Variants in TMC8 observed in about 807,000 individuals in gnomAD.
The protein encoded by TMC8 is transmembrane channel-like protein 8.
Under a neutral mutation model 76.0 loss-of-function variants are expected in TMC8, and 71 were observed. The ratio of observed to expected loss-of-function variants is 0.93; its 90% CI spans 0.77 to 1.14. TMC8 has a LOEUF of 1.14. TMC8 is among the 50% of genes most tolerant of loss of function. The probability of loss-of-function intolerance (pLI) is 0.00; values close to 1 mark genes in which losing one functional copy is unlikely to be tolerated. For missense variants in TMC8, 924 were observed against 947.9 expected (o/e 0.97, Z 0.33); for synonymous variants, 433 against 433.8 (o/e 1.00, Z 0.02).
At position 78,138,558 on chromosome 17, in the gene TMC8, G is replaced by T; in HGVS notation, c.1665-16G>T. 6.2e-7 allele frequency: 1 copy of T among 1,613,746 alleles called. No homozygotes were observed. Among genetic ancestry groups the T allele is most frequent in the Non-Finnish European group, 8.5e-7 (1 of 1,180,028 alleles). On this transcript the variant is annotated splice_polypyrimidine_tract_variant and intron_variant, in intron 13 of 15. Coordinates refer to ENST00000318430, the MANE Select transcript of TMC8 (RefSeq NM_152468.5). ...CAGGACCCTGATGCCAGCCCCACTT[G>T]GCCATCTCTCGCCAGCATCCACTCC... is the stretch of plus-strand genomic sequence containing the variant.
chr17:78,132,297 C>G, intron 3 of TMC8, 62 bp from the exon 4 acceptor site: 1 of 1,593,772 alleles, frequency 6.3e-7, no homozygotes, highest in Non-Finnish European at 8.6e-7. Context: ...CGCCCTTGGA[C>G]TCTCAGCGCG....
At chr17:78,138,848 G>A in intron 14 of TMC8, 116 bp downstream of exon 14, 1 of 1,553,448 alleles carries the variant, frequency 6.4e-7, no homozygotes, top group Non-Finnish European at 8.6e-7. Context: ...AAAGCCAAGG[G>A]AAGCAGGGGC....
rs1160953415 is a variant in TMC8 at position 78,140,863 on chromosome 17, G to A, written c.1932G>A (p.Glu644=). The change falls in exon 16 of 16, where the codon GAG becomes GAA. Residue 644 remains glutamate, a synonymous_variant. Coordinates refer to ENST00000318430, the MANE Select transcript of TMC8 (RefSeq NM_152468.5). ...TTCAGGAGAAGTGGCACCTGGTGGA[G>A]GACCTGTCGCGACTGCTGCCGGAGC... ...WQVQEKWHLV[E]DLSRLLPEPG... 1.9e-6 allele frequency: 3 copies of A among 1,610,370 alleles called. No individual in the cohort carries two copies. Among genetic ancestry groups the A allele is most frequent in the South Asian group, 1.1e-5 (1 of 90,462 alleles).
chr17:78,134,691 C>A, intron 8 of TMC8, 127 bp downstream of exon 8: 2 of 1,513,414 alleles, frequency 1.3e-6, no homozygotes, highest in Non-Finnish European at 1.8e-6. Flanking sequence ...AGGTCACGGC[C>A]AAGGCAGGCG....
In TMC8 at chr17:78,137,917, G is replaced by A. The variant is rs528162168; in HGVS notation, c.1350-88G>A. ...GGTGAGCGGGTCCAGTGTGGAGCCC[G>A]GGAGTAAGTGGCAGGCTGTGGCCAT... is the stretch of plus-strand genomic sequence containing the variant. On this transcript the variant is annotated intron_variant, in intron 11 of 15. Transcript: ENST00000318430. 372 of 1,599,056 alleles carry A rather than the reference G, an allele frequency of 2.3e-4. 1 individual carries two copies. The African/African-American group carries it at 4.4e-3, about 19-fold the overall frequency.
At chr17:78,140,765 C>G (rs1294771408) in intron 15 of TMC8, 69 bp from the exon 16 acceptor site, 16 of 1,552,104 alleles carry the variant, frequency 1.0e-5, no homozygotes, top group South Asian at 2.4e-5. Flanking sequence ...GAGTTGCTGC[C>G]GCTGCTGTCC....
In TMC8 at chr17:78,134,526, A is replaced by G. The variant is rs1179647988; in HGVS notation, c.949A>G (p.Ile317Val). 1.2e-6 allele frequency: 2 copies of G among 1,614,126 alleles called. 1 individual carries two copies. The highest frequency in any genetic ancestry group is 1.7e-6 in the Non-Finnish European group (2 of 1,180,032). Residue 317 changes from isoleucine to valine, a missense_variant, in exon 8 of 16, where the codon ATC becomes GTC. Transcript: ENST00000318430. The stretch of plus-strand genomic sequence containing the variant: ...CCTGGTGGTTGGGGCCATCAGCGCC[A>G]TCTTCTGGGCTACCAAGTACTCACA... ...GLLVVGAISA[I>V]FWATKYSQDN...
Position 78,131,744 on chromosome 17 carries a change from G to T in TMC8, c.149+7G>T. ...TGGACAAGCGCCTCATCTGGTGGGTGCCACGCGGGCGCCAGACGGTGCGTG... is the reference window on the plus strand; with the variant it reads ...TGGACAAGCGCCTCATCTGGTGGGTTCCACGCGGGCGCCAGACGGTGCGTG... On this transcript the variant is annotated splice_region_variant and intron_variant, in intron 2 of 15. Transcript: ENST00000318430. 1 of 1,577,830 alleles carries T rather than the reference G, an allele frequency of 6.3e-7. No individual in the cohort carries two copies. Among genetic ancestry groups the T allele is most frequent in the Non-Finnish European group, 8.6e-7 (1 of 1,164,286 alleles).
Position 78,132,814 on chromosome 17 carries a change from T to C in TMC8, c.475T>C (p.Ser159Pro). 6.2e-7 allele frequency: 1 copy of C among 1,614,192 alleles called. No individual in the cohort carries two copies. Among genetic ancestry groups the C allele is most frequent in the Non-Finnish European group, 8.5e-7 (1 of 1,180,016 alleles). Residue 159 changes from serine to proline, a missense_variant, in exon 5 of 16, where the codon TCC (serine) becomes CCC (proline). Physicochemically the swap from Ser to Pro is moderately conservative, Grantham distance 74. Coordinates refer to ENST00000318430, the MANE Select transcript of TMC8 (RefSeq NM_152468.5). ...LTLQCPGSRQ[S>P]PPGVLRFHNQ... Reference sequence around the variant, plus strand: ...CCTCCAGTGCCCTGGTAGCCGCCAGTCCCCGCCTGGCGTTTTGAGGTTCCA... The same window carrying C: ...CCTCCAGTGCCCTGGTAGCCGCCAGCCCCCGCCTGGCGTTTTGAGGTTCCA...
In TMC8 at chr17:78,137,808, C is replaced by T. The variant is rs146302673; in HGVS notation, c.1343C>T (p.Pro448Leu). The T allele has an allele frequency of 1.9e-6, 3 of 1,613,192 alleles. No homozygotes were observed. Among genetic ancestry groups the T allele is most frequent in the African/African-American group, 2.7e-5 (2 of 75,062 alleles). ...TVAFAFLVTL[P>L]RRLLVDRFSG... ...GCCTTCGCCTTCCTGGTCACCCTGC[C>T]TCGGAGGTGAGCCCCGGGGTGACAC... is the stretch of plus-strand genomic sequence containing the variant. The change falls in exon 11 of 16, where the codon CCT (proline) becomes CTT (leucine). Residue 448 changes from proline to leucine, a missense_variant. Coordinates refer to ENST00000318430, the MANE Select transcript of TMC8 (RefSeq NM_152468.5).
In TMC8 at chr17:78,132,271, C is replaced by T. The variant is rs920159124; in HGVS notation, c.299-88C>T. 2.9e-5 allele frequency: 44 copies of T among 1,525,658 alleles called. No individual in the cohort carries two copies. In the African/African-American group the frequency reaches 4.8e-4, roughly 17 times the overall value. 94.5% of individuals were successfully genotyped at this position (1,525,658 alleles called of 1,614,324 possible). A position where few individuals can be genotyped will look rare whatever the true frequency, so the allele number is the denominator to read the frequency against. The stretch of plus-strand genomic sequence containing the variant: ...GGGTGGGAGCCTGGCGGGCACCCCA[C>T]GCCGTCCGGTGGGCCCGCCCTTGGA... On this transcript the variant is annotated intron_variant, in intron 3 of 15. Coordinates refer to ENST00000318430, the MANE Select transcript of TMC8 (RefSeq NM_152468.5).
chr17:78,138,206 G>C lies in TMC8; in HGVS notation c.1533+18G>C, dbSNP rs762782516. On this transcript the variant is annotated intron_variant, in intron 12 of 15. Transcript: ENST00000318430. Reference sequence around the variant, plus strand: ...TCAAGAAGGTGACGGCTCATGGCTGGGGGGTATGGGGTTCGTGCCTCTGGG... The same window carrying C: ...TCAAGAAGGTGACGGCTCATGGCTGCGGGGTATGGGGTTCGTGCCTCTGGG... The C allele has an allele frequency of 9.9e-6, 16 of 1,613,674 alleles. No individual in the cohort carries two copies. Among genetic ancestry groups the C allele is most frequent in the Non-Finnish European group, 1.4e-5 (16 of 1,179,952 alleles).
At chr17:78,136,776 C>T (rs185601088) in intron 9 of TMC8, 1 of 310,494 alleles carries the variant, frequency 3.2e-6, no homozygotes, top group Admixed American at 4.7e-5. Context: ...AAAACAGAAC[C>T]CTTGGCCAGG....
chr17:78,133,600 T>C (rs910052363), intron 6 of TMC8, 58 bp downstream of exon 6: 2 of 1,601,394 alleles, frequency 1.2e-6, no homozygotes, highest in Non-Finnish European at 1.7e-6. Context: ...TGATCACCCC[T>C]TCCTTGGCAG....
At chr17:78,137,674 G>A (rs2075269150) in intron 10 of TMC8, 43 bp from the exon 11 acceptor site, 2 of 1,552,188 alleles carry the variant, frequency 1.3e-6, no homozygotes, top group Admixed American at 3.3e-5. Context: ...GAAGGGCCGG[G>A]GTGGCCGTGA....
At position 78,138,360 on chromosome 17, in the gene TMC8, G is replaced by T; in HGVS notation, c.1545G>T (p.Leu515=). The T allele has an allele frequency of 6.2e-7, 1 of 1,611,066 alleles. No individual in the cohort carries two copies. ...GCTTGCGCCCCCAGTACACCCTCCT[G>T]AAGAACTCCAGGGCATCTTCGCGGC... ...LTFYIKKYTL[L]KNSRASSRPF... is the part of the protein sequence containing the mutation. The change falls in exon 13 of 16, where the codon CTG becomes CTT. Residue 515 remains leucine (L), a synonymous_variant. Coordinates refer to ENST00000318430, the MANE Select transcript of TMC8 (RefSeq NM_152468.5).
intron 4 of TMC8, 39 bp from the exon 5 acceptor site, chr17:78,132,749 T>TG: frequency 6.2e-7 from 1 of 1,600,724 alleles, no homozygotes; most frequent in Non-Finnish European, 8.6e-7. Context: ...ACCTATGCCT[T>TG]GGGGATCCCT....
rs377668069 is a variant in TMC8 at position 78,132,787 on chromosome 17, G to T, written c.449-1G>T. 2.1e-5 allele frequency: 34 copies of T among 1,614,046 alleles called. No homozygotes were observed. The highest frequency in any genetic ancestry group is 2.9e-5 in the Non-Finnish European group (34 of 1,180,014). On this transcript the variant is annotated splice_acceptor_variant, in intron 4 of 15. Transcript: ENST00000318430. LOFTEE classifies it high-confidence loss of function. ...CTATTGACCCCCTTCCTCCTCAACA[G>T]CCCTCCAGTGCCCTGGTAGCCGCCA...
rs1426582766 is a variant in TMC8 at position 78,132,324 on chromosome 17, C to G, written c.299-35C>G. The G allele has an allele frequency of 4.3e-6, 7 of 1,611,064 alleles. No homozygotes were observed. In the South Asian group the frequency reaches 6.6e-5, roughly 15 times the overall value. On this transcript the variant is annotated intron_variant, in intron 3 of 15. Coordinates refer to ENST00000318430, the MANE Select transcript of TMC8 (RefSeq NM_152468.5). ...CTCAGCGCGGCCCCAGCCCCGGCCC[C>G]GGCCTCCCTGACCCACCCTGCTCTC...
Sources: gnomAD v4.1 joint callset for allele counts on GRCh38, gnomAD v4.1.1 for gene constraint, MANE v1.5 for transcripts, NCBI Gene and HGNC (gene_info 2026-07-23, HGNC 2026-07-21) for gene names.